CDIN1: variants seen among roughly 807,000 people sequenced by gnomAD.
CDIN1 encodes the protein CDAN1 interacting nuclease 1.
CDIN1 carries 33 observed loss-of-function variants against 45.3 expected under a neutral mutation model. That is an observed-to-expected ratio of 0.73 (90% CI 0.55 to 0.97). The LOEUF is 0.97. Ranked by LOEUF, CDIN1 falls within the 50% of genes least tolerant of loss-of-function variation. CDIN1 has a pLI of 0.00. For synonymous variants in CDIN1, 118 were observed against 124.4 expected (o/e 0.95, Z 0.34); for missense variants, 303 against 339.4 (o/e 0.89, Z 0.84).
chr15:36,682,399 A>G (rs965712647), intron 5 of CDIN1, among the ~76,000 whole-genome samples: 14 of 152,086 alleles, frequency 9.2e-5, no homozygotes, highest in African/African-American at 3.4e-4. Context: ...AGGCCCACCC[A>G]CATTAGGGAG....
At chr15:36,788,958 A>G (rs921963536) in intron 10 of CDIN1, among the ~76,000 whole-genome samples, 1 of 152,222 alleles carries the variant, frequency 6.6e-6, no homozygotes, top group African/African-American at 2.4e-5. Context: ...ACAGACTCGC[A>G]TTTTCTAGAA....
At chr15:36,791,965 A>T (rs990657399) in intron 10 of CDIN1, among the ~76,000 whole-genome samples, 3 of 152,158 alleles carry the variant, frequency 2.0e-5, no homozygotes, top group African/African-American at 4.8e-5. Flanking sequence ...AGGCCCTAAA[A>T]ATAAACACAT....
chr15:36,692,299 C>T (rs2140718942), intron 7 of CDIN1, 124 bp downstream of exon 7: 1 of 878,320 alleles, frequency 1.1e-6, no homozygotes, highest in Non-Finnish European at 1.7e-6. Context: ...TTCTATTTTA[C>T]ATTCAATCAA....
chr15:36,618,682 T>C, intron 1 of CDIN1: 1 of 808,036 alleles, frequency 1.2e-6, no homozygotes, highest in Non-Finnish European at 2.2e-6. Context: ...GCAGACAGAA[T>C]GCACTTCTGC....
chr15:36,798,795 C>A (rs58287213), intron 10 of CDIN1: 1 of 152,110 alleles, frequency 6.6e-6, no homozygotes, highest in South Asian at 2.1e-4. Flanking sequence ...ATTTTGGGTA[C>A]GCAAGATTTA....
intron 1 of CDIN1, among the ~76,000 whole-genome samples, chr15:36,632,524 C>A (rs2140355331): frequency 6.6e-6 from 1 of 152,308 alleles, no homozygotes; most frequent in East Asian, 1.9e-4. Context: ...ACTTTATCTG[C>A]ATAATAAGAT....
intron 1 of CDIN1, among the ~76,000 whole-genome samples, chr15:36,598,966 G>C (rs1228025575): frequency 6.6e-6 from 1 of 152,104 alleles, no homozygotes; most frequent in Non-Finnish European, 1.5e-5. Context: ...GCTGTAATTT[G>C]ATCTTCCAGC....
At chr15:36,605,861 A>C (rs1328177751) in intron 1 of CDIN1, among the ~76,000 whole-genome samples, 1 of 152,186 alleles carries the variant, frequency 6.6e-6, no homozygotes, top group South Asian at 2.1e-4. Context: ...AAGTGCTTTT[A>C]AGTTTTCCTG....
intron 10 of CDIN1, among the ~76,000 whole-genome samples, chr15:36,776,079 T>C (rs1815547240): frequency 6.6e-6 from 1 of 152,234 alleles, no homozygotes; most frequent in Admixed American, 6.5e-5. Flanking sequence ...TTTTCAAATA[T>C]GTGGTTTAAT....
intron 4 of CDIN1, among the ~76,000 whole-genome samples, chr15:36,655,419 C>T (rs946128143): frequency 6.6e-6 from 1 of 151,456 alleles, no homozygotes; most frequent in Admixed American, 6.6e-5. Flanking sequence ...CTCTGCCTCC[C>T]GGGTTCAAGA....
At chr15:36,751,144 C>G (rs1268576554) in intron 10 of CDIN1, among the ~76,000 whole-genome samples, 1 of 148,672 alleles carries the variant, frequency 6.7e-6, no homozygotes, top group Admixed American at 6.8e-5. Context: ...AATATTTTTA[C>G]TACTTAACTA....
chr15:36,618,475 C>T, intron 1 of CDIN1: 1 of 1,161,874 alleles, frequency 8.6e-7, no homozygotes, highest in South Asian at 1.2e-5. Flanking sequence ...AAGACCTCAT[C>T]CTTCAACAGC....
Position 36,745,044 on chromosome 15 carries a change from T to C in CDIN1, c.716+35083T>C, listed in dbSNP as rs374235557. Among the ~76,000 whole-genome samples the C allele has an allele frequency of 3.2e-4, 48 of 152,302 alleles. No individual in the cohort carries two copies. The South Asian group carries it at 8.3e-3, about 26-fold the overall frequency. ...TATTGTCTGTATATTTGAGAGTATA[T>C]GTATGAGCAGATTATGATAAATGCA... On this transcript the variant is annotated intron_variant, in intron 10 of 10. Coordinates refer to ENST00000566621, the MANE Select transcript of CDIN1 (RefSeq NM_001321759.2).
intron 3 of CDIN1, 76 bp downstream of exon 3, chr15:36,645,363 A>G: frequency 8.1e-7 from 1 of 1,239,790 alleles, no homozygotes. Flanking sequence ...AAGTTAGGTT[A>G]TTAATTTTCT....
At chr15:36,780,561 G>T (rs563155969) in intron 10 of CDIN1, among the ~76,000 whole-genome samples, 2 of 152,096 alleles carry the variant, frequency 1.3e-5, no homozygotes, top group Non-Finnish European at 2.9e-5. Context: ...TTTCCCAAAG[G>T]TTGATTTGAC....
At chr15:36,787,960 T>C (rs1355208656) in intron 10 of CDIN1, among the ~76,000 whole-genome samples, 11 of 150,236 alleles carry the variant, frequency 7.3e-5, no homozygotes, top group Admixed American at 5.3e-4. Context: ...TACTTTTTAA[T>C]AGAAATTGTA....
Position 36,753,495 on chromosome 15 carries a change from C to T in CDIN1, c.716+43534C>T, listed in dbSNP as rs117355798. On this transcript the variant is annotated intron_variant, in intron 10 of 10. Coordinates refer to ENST00000566621, the MANE Select transcript of CDIN1 (RefSeq NM_001321759.2). ...AAGTTTGGTGAATTAGTATCCTATT[C>T]CTGAGTCCCATTTCAATACCTAGCT... Among the ~76,000 whole-genome samples, 807 of 152,052 alleles carry T rather than the reference C, an allele frequency of 5.3e-3. 9 individuals are homozygous for T. Among genetic ancestry groups the T allele is most frequent in the Non-Finnish European group, 5.8e-3 (397 of 67,980 alleles).
At chr15:36,679,480 T>C (rs979527317) in intron 5 of CDIN1, among the ~76,000 whole-genome samples, 3 of 152,180 alleles carry the variant, frequency 2.0e-5, no homozygotes, top group Non-Finnish European at 4.4e-5. Flanking sequence ...ACATGACTAG[T>C]AGCTGGAAGA....
chr15:36,788,090 ATATATATATATATATATTTTTTTT>A (rs2054539460), intron 10 of CDIN1, among the ~76,000 whole-genome samples: 1 of 10,078 alleles, frequency 9.9e-5, no homozygotes, highest in Non-Finnish European at 2.3e-4. Flanking sequence ...ATATATATAT[ATATATATATATATATATTTTTTTT>A]TTTTTTTTTT....
Sources: gnomAD v4.1 joint callset for allele counts (sites outside exome capture counted in the v4.1 genomes callset) on GRCh38, gnomAD v4.1.1 for gene constraint, MANE v1.5 for transcripts, NCBI Gene and HGNC (gene_info 2026-07-23, HGNC 2026-07-21) for gene names.